The following MOB1B variants were observed in gnomAD, a reference collection of about 807,000 sequenced individuals.
MOB1B encodes the protein MOB kinase activator 1B, also known as MOB1 Mps One Binder homolog B.
In MOB1B, 19 loss-of-function variants were observed where a neutral mutation model predicts 24.4. The observed-to-expected ratio is 0.78, with a 90% confidence interval of 0.54 to 1.14. The LOEUF is 1.14. MOB1B is among the 50% of genes most tolerant of loss of function. The pLI, the probability that MOB1B is intolerant of heterozygous loss-of-function variation, is 0.00. For synonymous variants in MOB1B, 76 were observed against 82.1 expected (o/e 0.93, Z 0.40); for missense variants, 243 against 259.6 (o/e 0.94, Z 0.44).
intron 1 of MOB1B, among the ~76,000 whole-genome samples, chr4:70,927,032 C>G (rs1017392422): frequency 2.6e-5 from 4 of 151,382 alleles, no homozygotes; most frequent in African/African-American, 9.7e-5. Context: ...AAGATGCGGT[C>G]TCTGTCCTCA....
At chr4:70,929,727 G>C (rs1355255585) in intron 1 of MOB1B, among the ~76,000 whole-genome samples, 3 of 151,144 alleles carry the variant, frequency 2.0e-5, no homozygotes, top group Non-Finnish European at 2.9e-5. Context: ...CTCACTGCAA[G>C]CTCCGCCTCC....
intron 1 of MOB1B, among the ~76,000 whole-genome samples, chr4:70,910,974 G>T (rs1274742730): frequency 6.6e-6 from 1 of 152,102 alleles, no homozygotes; most frequent in East Asian, 1.9e-4. Flanking sequence ...TTTTAGTATG[G>T]ATGGGGTTTC....
rs577834588 is a variant in MOB1B, at chr4:70,960,881, A to G, written c.181+1841A>G. On this transcript the variant is annotated intron_variant, in intron 2 of 5. Transcript: ENST00000309395. ...GTAAGGAAGGCTGTATAGAGCTTCT[A>G]TATTACAGTAGAGTCTGACTTTTAA... Among the ~76,000 whole-genome samples the G allele has an allele frequency of 3.3e-4, 50 of 152,330 alleles. No homozygotes were observed. The South Asian group carries it at 4.8e-3, about 15-fold the overall frequency.
intron 1 of MOB1B, among the ~76,000 whole-genome samples, chr4:70,922,746 G>A (rs1451603088): frequency 6.6e-6 from 1 of 152,104 alleles, no homozygotes; most frequent in South Asian, 2.1e-4. Flanking sequence ...TCTAAGTCAC[G>A]TGAACTTGAA....
At chr4:70,929,561 G>A (rs1223565460) in intron 1 of MOB1B, among the ~76,000 whole-genome samples, 1 of 151,926 alleles carries the variant, frequency 6.6e-6, no homozygotes, top group Admixed American at 6.6e-5. Context: ...GCTTATTGTG[G>A]CCTCCACCTC....
chr4:70,946,743 G>A (rs538971531), intron 1 of MOB1B, among the ~76,000 whole-genome samples: 28 of 152,152 alleles, frequency 1.8e-4, no homozygotes, highest in Non-Finnish European at 3.2e-4. Context: ...GTCACAGTAG[G>A]ATCTGTGACC....
chr4:70,958,128 C>T (rs960950103), intron 1 of MOB1B, among the ~76,000 whole-genome samples: 1 of 151,512 alleles, frequency 6.6e-6, no homozygotes, highest in African/African-American at 2.4e-5. Context: ...CTGATACTTC[C>T]TATAATTGGG....
chr4:70,916,360 A>G (rs1281670978), intron 1 of MOB1B, among the ~76,000 whole-genome samples: 1 of 152,230 alleles, frequency 6.6e-6, no homozygotes, highest in Non-Finnish European at 1.5e-5. Flanking sequence ...ATGACATTCT[A>G]GAGATGGCTG....
intron 1 of MOB1B, among the ~76,000 whole-genome samples, chr4:70,948,569 G>C (rs1176139137): frequency 1.3e-5 from 2 of 151,788 alleles, no homozygotes; most frequent in Non-Finnish European, 2.9e-5. Context: ...GAATATAATA[G>C]TGTCTCTGTT....
intron 1 of MOB1B, chr4:70,958,613 ACAT>A: frequency 1.9e-6 from 1 of 512,918 alleles, no homozygotes; most frequent in Non-Finnish European, 3.7e-6. Flanking sequence ...AATAACTAAA[ACAT>A]CATGGAAGTA....
intron 1 of MOB1B, among the ~76,000 whole-genome samples, chr4:70,910,449 A>G (rs1367706366): frequency 6.6e-6 from 1 of 151,642 alleles, no homozygotes; most frequent in Non-Finnish European, 1.5e-5. Flanking sequence ...ATGTATGTAT[A>G]TATGTGTGTA....
intron 1 of MOB1B, among the ~76,000 whole-genome samples, chr4:70,921,903 G>A (rs1736455569): frequency 6.6e-6 from 1 of 151,922 alleles, no homozygotes; most frequent in African/African-American, 2.4e-5. Flanking sequence ...ATTCTCTATC[G>A]GGTTTTAAAG....
At chr4:70,909,607 A>AT (rs780652346) in intron 1 of MOB1B, among the ~76,000 whole-genome samples, 6 of 152,208 alleles carry the variant, frequency 3.9e-5, no homozygotes, top group Non-Finnish European at 7.3e-5. Context: ...CAGGAATCCT[A>AT]TTTTATACAT....
intron 1 of MOB1B, among the ~76,000 whole-genome samples, chr4:70,948,845 A>G (rs568929358): frequency 1.6e-4 from 25 of 152,280 alleles, no homozygotes; most frequent in African/African-American, 6.0e-4. Context: ...TTGACTGCCA[A>G]GTTCCCCTGC....
At chr4:70,906,220 T>TAA (rs1185761765) in intron 1 of MOB1B, among the ~76,000 whole-genome samples, 1 of 151,614 alleles carries the variant, frequency 6.6e-6, no homozygotes, top group Admixed American at 6.6e-5. Flanking sequence ...CTACTAAAAA[T>TAA]AAAAAAAATT....
chr4:70,950,669 A>T, intron 1 of MOB1B: 2 of 1,174,746 alleles, frequency 1.7e-6, no homozygotes, highest in East Asian at 2.7e-5. Context: ...AATGTTAGTT[A>T]ATATTAATCA....
chr4:70,946,084 CTTTTTTTTTTTTT>C (rs11331194), intron 1 of MOB1B, among the ~76,000 whole-genome samples: 17 of 85,394 alleles, frequency 2.0e-4, no homozygotes, highest in African/African-American at 6.6e-4. Flanking sequence ...TTTGTTTGTT[CTTTTTTTTTTTTT>C]TTTTTTTTTG....
At chr4:70,957,580 G>A (rs1385512000) in intron 1 of MOB1B, among the ~76,000 whole-genome samples, 2 of 151,692 alleles carry the variant, frequency 1.3e-5, no homozygotes, top group Non-Finnish European at 2.9e-5. Flanking sequence ...CTGGGACTAC[G>A]GGCTGCACCA....
chr4:70,914,781 C>T (rs1343560460), intron 1 of MOB1B, among the ~76,000 whole-genome samples: 1 of 152,176 alleles, frequency 6.6e-6, no homozygotes, highest in Non-Finnish European at 1.5e-5. Flanking sequence ...TACAGCTGTT[C>T]TCTTGACCCT....
Sources: allele counts gnomAD v4.1 joint callset (sites outside exome capture counted in the v4.1 genomes callset), GRCh38; gene constraint gnomAD v4.1.1; transcripts MANE v1.5; gene names NCBI Gene and HGNC (gene_info 2026-07-23, HGNC 2026-07-21).